Variants in PTPRT observed in about 807,000 individuals in gnomAD.
PTPRT encodes protein tyrosine phosphatase receptor type T.
PTPRT carries 56 observed loss-of-function variants against 176.8 expected under a neutral mutation model. That is an observed-to-expected ratio of 0.32 (90% CI 0.26 to 0.40). The LOEUF is 0.40. Ranked by LOEUF, PTPRT falls within the 10% of genes least tolerant of loss-of-function variation. The pLI, the probability that PTPRT is intolerant of heterozygous loss-of-function variation, is 1.00. For synonymous variants in PTPRT, 783 were observed against 739.0 expected (o/e 1.06, Z -0.96); for missense variants, 1,540 against 1,908.2 (o/e 0.81, Z 3.60).
chr20:42,659,775 T>A (rs2075190651), intron 7 of PTPRT, among the ~76,000 whole-genome samples: 1 of 152,144 alleles, frequency 6.6e-6, no homozygotes, highest in African/African-American at 2.4e-5. Context: ...GTGGGTCAAG[T>A]TTAAATGGAT....
intron 2 of PTPRT, among the ~76,000 whole-genome samples, chr20:42,828,037 TG>T (rs1189030997): frequency 6.6e-6 from 1 of 152,206 alleles, no homozygotes; most frequent in Non-Finnish European, 1.5e-5. Context: ...ACTTTGGAAC[TG>T]GGTAACAGGC....
chr20:42,462,680 C>G (rs1372608816), intron 8 of PTPRT, among the ~76,000 whole-genome samples: 1 of 152,094 alleles, frequency 6.6e-6, no homozygotes, highest in African/African-American at 2.4e-5. Flanking sequence ...TTAAAAGTGG[C>G]CTTTTGCCCA....
In PTPRT at chr20:42,315,852, A is replaced by G. The variant is rs2057713068; in HGVS notation, c.2010T>C (p.Pro670=). The change falls in exon 12 of 31, where the codon CCT becomes CCC. Residue 670 remains proline (P), a synonymous_variant. Transcript: ENST00000373187. The stretch of plus-strand genomic sequence containing the variant: ...ATGGCTGGGTGACAGGCAGGTTGGC[A>G]GGCTTCAACTCAGCAGCAAAGTAGT... ...SLHYFAAELK[P]ANLPVTQPFT... The G allele has an allele frequency of 6.2e-7, 1 of 1,614,178 alleles. No individual in the cohort carries two copies. The highest frequency in any genetic ancestry group is 8.5e-7 in the Non-Finnish European group (1 of 1,180,026).
intron 6 of PTPRT, among the ~76,000 whole-genome samples, chr20:42,704,578 T>C (rs1344907303): frequency 6.6e-6 from 1 of 152,132 alleles, no homozygotes; most frequent in East Asian, 1.9e-4. Flanking sequence ...ACCTTCCACA[T>C]TCAGATCCTG....
At chr20:42,174,738 A>T (rs2146558258) in intron 16 of PTPRT, among the ~76,000 whole-genome samples, 1 of 152,318 alleles carries the variant, frequency 6.6e-6, no homozygotes, top group East Asian at 1.9e-4. Context: ...TAACACGTAC[A>T]GACTTTGGAC....
chr20:43,002,669 A>G (rs1386812214), intron 1 of PTPRT, among the ~76,000 whole-genome samples: 6 of 152,186 alleles, frequency 3.9e-5, no homozygotes, highest in Admixed American at 3.9e-4. Context: ...AGATTTTTAG[A>G]GAATAGCAAT....
At chr20:42,795,550 G>A (rs6030476) in intron 2 of PTPRT, among the ~76,000 whole-genome samples, 111 of 152,334 alleles carry the variant, frequency 7.3e-4, no homozygotes, top group African/African-American at 1.3e-3. Flanking sequence ...GTGCTCGGGC[G>A]ACTGGCAGCT....
chr20:42,273,803 A>G (rs2056980995), intron 13 of PTPRT, among the ~76,000 whole-genome samples: 1 of 152,256 alleles, frequency 6.6e-6, no homozygotes, highest in African/African-American at 2.4e-5. Flanking sequence ...AAGTGGAGGT[A>G]ATAATTATCT....
In PTPRT at chr20:42,490,203, A is replaced by G. The variant is rs188401804; in HGVS notation, c.1154-17641T>C. Among the ~76,000 whole-genome samples, 678 of 152,276 alleles carry G rather than the reference A, an allele frequency of 4.5e-3. 9 individuals are homozygous for G. The highest frequency in any genetic ancestry group is 0.016 in the African/African-American group (651 of 41,564). ...TTCTGTGTTTTTAATCCCTCCTTGA[A>G]GTTGACTACTATGATTTTTCCCCTC... On this transcript the variant is annotated intron_variant, in intron 7 of 30. Coordinates refer to ENST00000373187, the MANE Select transcript of PTPRT (RefSeq NM_007050.6).
the PTPRT span, among the ~76,000 whole-genome samples, chr20:42,065,403 C>T: frequency 2.0e-5 from 3 of 152,218 alleles, no homozygotes; most frequent in African/African-American, 7.2e-5. Flanking sequence ...ATTTAATATG[C>T]TTGCTGCTGA....
chr20:42,451,769 C>T (rs2070833236), intron 8 of PTPRT, among the ~76,000 whole-genome samples: 1 of 151,994 alleles, frequency 6.6e-6, no homozygotes, highest in African/African-American at 2.4e-5. Context: ...ACTCGTGAGC[C>T]AAGCAAGAGT....
intron 14 of PTPRT, among the ~76,000 whole-genome samples, chr20:42,242,760 T>C (rs1345346121): frequency 2.0e-5 from 3 of 152,202 alleles, no homozygotes; most frequent in Non-Finnish European, 4.4e-5. Flanking sequence ...AGGGAGACAG[T>C]ATCACTTGAC....
intron 1 of PTPRT, among the ~76,000 whole-genome samples, chr20:42,929,214 C>T (rs1019689295): frequency 2.0e-5 from 3 of 152,220 alleles, no homozygotes; most frequent in Non-Finnish European, 2.9e-5. Context: ...GTGTTCTTTA[C>T]AAGAATGCAA....
chr20:42,345,380 C>T (rs1045153192), intron 11 of PTPRT, among the ~76,000 whole-genome samples: 1 of 148,728 alleles, frequency 6.7e-6, no homozygotes, highest in Non-Finnish European at 1.5e-5. Context: ...CACACACACA[C>T]ACACACACAC....
At position 42,746,085 on chromosome 20, in the gene PTPRT, G is replaced by A. The variant is rs970438149; in HGVS notation, c.859+10377C>T. On this transcript the variant is annotated intron_variant, in intron 6 of 30. Coordinates refer to ENST00000373187, the MANE Select transcript of PTPRT (RefSeq NM_007050.6). ...GCCATTTGATTTAATTTCCAAATGC[G>A]TTAAAAGTGTTAATGCAACACATCA... is the stretch of plus-strand genomic sequence containing the variant. Among the ~76,000 whole-genome samples the A allele has an allele frequency of 1.2e-4, 19 of 152,316 alleles. No homozygotes were observed. The South Asian group carries it at 2.5e-3, about 20-fold the overall frequency.
At chr20:42,240,651 T>TATCC (rs747164873) in intron 14 of PTPRT, among the ~76,000 whole-genome samples, 1 of 152,232 alleles carries the variant, frequency 6.6e-6, no homozygotes, top group East Asian at 1.9e-4. Context: ...TTCAGCCATC[T>TATCC]ATCCATCCAT....
At chr20:42,513,921 C>T (rs1392090236) in intron 7 of PTPRT, among the ~76,000 whole-genome samples, 7 of 152,240 alleles carry the variant, frequency 4.6e-5, no homozygotes, top group African/African-American at 1.7e-4. Context: ...TTTCTCTGAA[C>T]AGTATGTGTG....
intron 1 of PTPRT, among the ~76,000 whole-genome samples, chr20:42,934,265 A>C (rs1353486311): frequency 6.6e-6 from 1 of 152,210 alleles, no homozygotes; most frequent in Non-Finnish European, 1.5e-5. Flanking sequence ...GGAATATGTG[A>C]ATGTGTGTCT....
Position 42,791,207 on chromosome 20 carries a change from T to C in PTPRT, c.474A>G (p.Pro158=), listed in dbSNP as rs1253907080. Residue 158 remains proline, a synonymous_variant, in exon 3 of 31, where the codon CCA becomes CCG. Transcript: ENST00000373187. ...TAAAATGCCATACCTGATAGAAATGTGGCCAGAAAGTGCTGATGGCGAGCT... is the reference window on the plus strand; with the variant it reads ...TAAAATGCCATACCTGATAGAAATGCGGCCAGAAAGTGCTGATGGCGAGCT... ...KAELAISTFW[P]HFYQVIFESV... The C allele has an allele frequency of 1.9e-6, 3 of 1,586,840 alleles. No individual in the cohort carries two copies. Among genetic ancestry groups the C allele is most frequent in the Admixed American group, 1.8e-5 (1 of 55,512 alleles).
Sources: gnomAD v4.1 joint callset for allele counts (sites outside exome capture counted in the v4.1 genomes callset) on GRCh38, gnomAD v4.1.1 for gene constraint, MANE v1.5 for transcripts, NCBI Gene and HGNC (gene_info 2026-07-23, HGNC 2026-07-21) for gene names.